The following IQCB1 variants were observed in gnomAD, a reference collection of about 807,000 sequenced individuals.
IQCB1 encodes IQ calmodulin-binding motif-containing protein 1.
IQCB1 carries 56 observed loss-of-function variants against 84.4 expected under a neutral mutation model. The observed-to-expected ratio is 0.66, with a 90% CI of 0.54 to 0.83. The LOEUF (loss-of-function observed/expected upper bound fraction) is 0.83, where lower values mean the gene tolerates loss of function less well. IQCB1 is among the 40% of genes least tolerant of loss of function. The pLI, the probability that IQCB1 is intolerant of heterozygous loss-of-function variation, is 0.00. For missense variants in IQCB1, 629 were observed against 682.1 expected, an observed-to-expected ratio of 0.92 and a Z score of 0.87; for synonymous variants, 210 against 234.8, an observed-to-expected ratio of 0.89 and a Z score of 0.96.
chr3:121,828,789 T>C (rs2108643809), intron 3 of IQCB1, 72 bp downstream of exon 3: 3 of 1,093,448 alleles, frequency 2.7e-6, no homozygotes, highest in Non-Finnish European at 4.2e-6. Flanking sequence ...TTAAAAGAAA[T>C]GTTAAAATTG....
intron 7 of IQCB1, among the ~76,000 whole-genome samples, chr3:121,803,737 T>C (rs1307751600): frequency 6.6e-6 from 1 of 152,216 alleles, no homozygotes; most frequent in Non-Finnish European, 1.5e-5. Context: ...GTTCTGTAAC[T>C]TACTTTATCT....
Position 121,807,584 on chromosome 3 carries a change from C to CT in IQCB1, c.488-142dup. ...TTTGTAGACTCTACGATAAAGAAGA[C>CT]TTTAAGATGTAAAATTCATGGCAAT... On this transcript the variant is annotated intron_variant, in intron 6 of 14. Transcript: ENST00000310864. 4 of 563,704 alleles carry CT rather than the reference C, an allele frequency of 7.1e-6. No homozygotes were observed. In the East Asian group the frequency reaches 1.2e-4, roughly 17 times the overall value. The allele number at this position is 563,704 out of a possible 1,614,324, so 34.9% of individuals were successfully genotyped here.
Position 121,790,153 on chromosome 3 carries a change from AATTT to A in IQCB1, c.1045_1048del (p.Lys349TyrfsTer11). 1 of 1,613,504 alleles carries A rather than the reference AATTT, an allele frequency of 6.2e-7. No homozygotes were observed. The highest frequency in any genetic ancestry group is 8.5e-7 in the Non-Finnish European group (1 of 1,179,466). ...TCTCTGTCTTTGAAGTTGCAATTGTAATTTGAGGTCCTCTTCTTCCTTCTGCCTA... is the reference window on the plus strand; with the variant it reads ...TCTCTGTCTTTGAAGTTGCAATTGTAGAGGTCCTCTTCTTCCTTCTGCCTA... On this transcript the variant is annotated frameshift_variant, in exon 11 of 15. Transcript: ENST00000310864. LOFTEE classifies it high-confidence loss of function.
chr3:121,790,255 T>G (rs1375418144), intron 10 of IQCB1, 40 bp from the exon 11 acceptor site: 2 of 1,591,570 alleles, frequency 1.3e-6, no homozygotes, highest in Non-Finnish European at 1.7e-6. Context: ...TTTTCATAAA[T>G]CATATGAAAA....
intron 5 of IQCB1, among the ~76,000 whole-genome samples, chr3:121,819,009 T>A (rs969535464): frequency 6.6e-6 from 1 of 152,166 alleles, no homozygotes. Flanking sequence ...GTCTCTAACC[T>A]TTTTTGCACC....
intron 10 of IQCB1, among the ~76,000 whole-genome samples, chr3:121,793,099 T>C (rs1301478327): frequency 6.6e-6 from 1 of 152,210 alleles, no homozygotes; most frequent in Non-Finnish European, 1.5e-5. Flanking sequence ...AGAAAAAAGA[T>C]GCTATCTGCA....
intron 2 of IQCB1, 70 bp from the exon 3 acceptor site, chr3:121,829,042 G>T: frequency 1.2e-6 from 1 of 819,448 alleles, no homozygotes; most frequent in Non-Finnish European, 2.1e-6. Flanking sequence ...AATAATGTTT[G>T]AAATATAATT....
At chr3:121,779,344 G>C (rs1250812749) in intron 13 of IQCB1, among the ~76,000 whole-genome samples, 1 of 151,900 alleles carries the variant, frequency 6.6e-6, no homozygotes, top group Admixed American at 6.6e-5. Context: ...TCCCCTCTCT[G>C]TGACTCATTT....
intron 5 of IQCB1, among the ~76,000 whole-genome samples, chr3:121,812,326 CA>C (rs1949860949): frequency 6.6e-6 from 1 of 152,104 alleles, no homozygotes; most frequent in South Asian, 2.1e-4. Flanking sequence ...AAAACCAGCA[CA>C]AAAAGGCTGA....
chr3:121,778,293 T>G (rs1007811802), intron 13 of IQCB1, among the ~76,000 whole-genome samples: 2 of 152,172 alleles, frequency 1.3e-5, no homozygotes, highest in South Asian at 2.1e-4. Flanking sequence ...GTTAGATGTA[T>G]AGCTTGCAAC....
chr3:121,791,284 C>T (rs1486671291), intron 10 of IQCB1, among the ~76,000 whole-genome samples: 2 of 152,098 alleles, frequency 1.3e-5, no homozygotes, highest in Admixed American at 1.3e-4. Flanking sequence ...TCTTAATAGT[C>T]AGACTTCATT....
At chr3:121,784,225 CT>C (rs1033009183) in intron 12 of IQCB1, among the ~76,000 whole-genome samples, 1 of 134,808 alleles carries the variant, frequency 7.4e-6, no homozygotes, top group African/African-American at 2.8e-5. Context: ...ACCTTTTTTT[CT>C]TTTTCTAATG....
At chr3:121,824,229 T>C (rs1029915472) in intron 5 of IQCB1, among the ~76,000 whole-genome samples, 2 of 152,076 alleles carry the variant, frequency 1.3e-5, no homozygotes, top group Non-Finnish European at 2.9e-5. Context: ...ACCCTATATA[T>C]ACTTTTTTTT....
At chr3:121,809,820 A>G (rs901019769) in intron 5 of IQCB1, among the ~76,000 whole-genome samples, 1 of 152,052 alleles carries the variant, frequency 6.6e-6, no homozygotes, top group Non-Finnish European at 1.5e-5. Context: ...CTATAGCACA[A>G]AAGTAATGAT....
intron 13 of IQCB1, among the ~76,000 whole-genome samples, chr3:121,778,082 A>AT (rs909700739): frequency 1.2e-4 from 18 of 151,948 alleles, no homozygotes; most frequent in African/African-American, 4.3e-4. Flanking sequence ...TAATTTTTAA[A>AT]TTTTTTGTAG....
At chr3:121,780,877 T>TGA (rs1336548713) in intron 13 of IQCB1, among the ~76,000 whole-genome samples, 10 of 122,450 alleles carry the variant, frequency 8.2e-5, no homozygotes, top group East Asian at 4.1e-4. Flanking sequence ...TGTGTGTGTG[T>TGA]GTGTGTGAGA....
intron 13 of IQCB1, among the ~76,000 whole-genome samples, chr3:121,777,218 T>G (rs1948265102): frequency 6.6e-6 from 1 of 152,254 alleles, no homozygotes; most frequent in Admixed American, 6.5e-5. Context: ...CCAGTTTTTC[T>G]GCATTAACTG....
chr3:121,789,577 A>G (rs1300638379), intron 11 of IQCB1, among the ~76,000 whole-genome samples: 1 of 152,212 alleles, frequency 6.6e-6, no homozygotes, highest in African/African-American at 2.4e-5. Context: ...AGGACCCTGG[A>G]TTGAATAACA....
chr3:121,824,928 T>C (rs1037681665), intron 5 of IQCB1, among the ~76,000 whole-genome samples: 13 of 152,214 alleles, frequency 8.5e-5, no homozygotes, highest in Admixed American at 8.5e-4. Flanking sequence ...CATTTGGGTA[T>C]ACAAGTAGTC....
Sources: gnomAD v4.1 joint callset for allele counts (sites outside exome capture counted in the v4.1 genomes callset) on GRCh38, gnomAD v4.1.1 for gene constraint, MANE v1.5 for transcripts, NCBI Gene and HGNC (gene_info 2026-07-23, HGNC 2026-07-21) for gene names.